TMEM132D: variants seen among roughly 807,000 people sequenced by gnomAD.
TMEM132D encodes the protein transmembrane protein 132D, also known as mature OL transmembrane protein.
A neutral mutation model predicts 62.3 loss-of-function variants in TMEM132D; 21 were observed. The ratio of observed to expected loss-of-function variants is 0.34; its 90% CI spans 0.24 to 0.49. The LOEUF (loss-of-function observed/expected upper bound fraction) is 0.49. TMEM132D is among the 20% of genes least tolerant of loss of function. The pLI is 0.99. For synonymous variants in TMEM132D, 621 were observed against 575.6 expected, an observed-to-expected ratio of 1.08 and a Z score of -1.13; for missense variants, 1,346 against 1,402.8, an observed-to-expected ratio of 0.96 and a Z score of 0.65.
chr12:129,273,562 C>T lies in TMEM132D; in HGVS notation c.1300-63899G>A, dbSNP rs542654099. 3.3e-5 allele frequency among the ~76,000 whole-genome samples: 5 copies of T among 151,774 alleles called. No homozygotes were observed. In the South Asian group the frequency reaches 6.2e-4, roughly 19 times the overall value. ...CTGGATAAAGAAAATGTGGTCCATA[C>T]GCACAATGGAATATTATGCAGCCAT... is the stretch of plus-strand genomic sequence containing the variant. On this transcript the variant is annotated intron_variant, in intron 4 of 8. Coordinates refer to ENST00000422113, the MANE Select transcript of TMEM132D (RefSeq NM_133448.3).
chr12:129,082,206 C>T (rs1282998695), intron 6 of TMEM132D, among the ~76,000 whole-genome samples, 174 bp from the exon 7 acceptor site: 2 of 152,186 alleles, frequency 1.3e-5, no homozygotes, highest in Non-Finnish European at 2.9e-5. Flanking sequence ...GGCATGAGCA[C>T]TGACCCATCA....
intron 2 of TMEM132D, among the ~76,000 whole-genome samples, chr12:129,548,920 C>T (rs746130358): frequency 7.9e-5 from 12 of 152,246 alleles, no homozygotes; most frequent in Non-Finnish European, 1.5e-4. Context: ...CCTTAGCTCA[C>T]CTGAGTAGAC....
chr12:129,287,371 C>T (rs1208765593), intron 4 of TMEM132D, among the ~76,000 whole-genome samples: 3 of 152,126 alleles, frequency 2.0e-5, no homozygotes, highest in South Asian at 2.1e-4. Flanking sequence ...TACAAAATCA[C>T]CACTTGGCAA....
intron 1 of TMEM132D, among the ~76,000 whole-genome samples, chr12:129,815,699 C>T (rs1234090173): frequency 1.3e-5 from 2 of 152,130 alleles, no homozygotes; most frequent in Admixed American, 6.5e-5. Context: ...AATGCTCCCC[C>T]GGTTACAAAA....
At chr12:129,165,826 C>T (rs1306283267) in intron 5 of TMEM132D, among the ~76,000 whole-genome samples, 2 of 152,104 alleles carry the variant, frequency 1.3e-5, no homozygotes, top group Non-Finnish European at 2.9e-5. Flanking sequence ...GGTTGTTTTC[C>T]TTTGTGTAAG....
chr12:129,289,090 A>G (rs1881376445), intron 4 of TMEM132D, among the ~76,000 whole-genome samples: 1 of 152,116 alleles, frequency 6.6e-6, no homozygotes, highest in Non-Finnish European at 1.5e-5. Flanking sequence ...GGTGGGTGCC[A>G]GGGATGGGGG....
intron 4 of TMEM132D, among the ~76,000 whole-genome samples, chr12:129,290,390 T>G (rs1417524222): frequency 6.6e-6 from 1 of 152,072 alleles, no homozygotes; most frequent in Non-Finnish European, 1.5e-5. Flanking sequence ...TAACAGGTTA[T>G]CGAAGCATAA....
chr12:129,529,064 T>TTGTG (rs148668186), intron 3 of TMEM132D, among the ~76,000 whole-genome samples: 2 of 151,942 alleles, frequency 1.3e-5, no homozygotes, highest in East Asian at 1.9e-4. Flanking sequence ...ATATAACATA[T>TTGTG]TGTGTGTGTG....
intron 2 of TMEM132D, among the ~76,000 whole-genome samples, chr12:129,594,590 T>C (rs1425400450): frequency 2.0e-5 from 3 of 152,218 alleles, no homozygotes; most frequent in Non-Finnish European, 4.4e-5. Flanking sequence ...AGAGAACACA[T>C]GCATAGTCCA....
intron 2 of TMEM132D, among the ~76,000 whole-genome samples, chr12:129,608,020 T>A (rs527537728): frequency 1.3e-5 from 2 of 152,244 alleles, no homozygotes; most frequent in South Asian, 2.1e-4. Context: ...GTGGAGTCTG[T>A]GAAATATTGA....
chr12:129,774,804 A>G (rs1385619842), intron 1 of TMEM132D, among the ~76,000 whole-genome samples: 1 of 152,220 alleles, frequency 6.6e-6, no homozygotes, highest in Non-Finnish European at 1.5e-5. Context: ...TCCCTGGCTT[A>G]GTCTCTACAG....
chr12:129,146,182 A>G (rs1876890890), intron 5 of TMEM132D, among the ~76,000 whole-genome samples: 1 of 151,988 alleles, frequency 6.6e-6, no homozygotes, highest in Non-Finnish European at 1.5e-5. Context: ...GAACCTCTCC[A>G]GAACGTATTA....
At chr12:129,900,643 A>T (rs12422310) in intron 1 of TMEM132D, among the ~76,000 whole-genome samples, 56,344 of 151,864 alleles carry the variant, frequency 0.37, 10,640 homozygotes, top group Middle Eastern at 0.51. Context: ...CCTCTGCCCA[A>T]CTCCAATCTC....
intron 2 of TMEM132D, among the ~76,000 whole-genome samples, chr12:129,587,174 T>A (rs996336316): frequency 6.6e-6 from 1 of 151,982 alleles, no homozygotes; most frequent in East Asian, 1.9e-4. Context: ...ATAAAAAAAA[T>A]GTGGTACATA....
chr12:129,883,483 C>G (rs770613551), intron 1 of TMEM132D, among the ~76,000 whole-genome samples: 24 of 152,204 alleles, frequency 1.6e-4, no homozygotes, highest in Admixed American at 3.9e-4. Context: ...AGGTTCAATA[C>G]ACTTCCAATC....
At chr12:129,356,179 C>T (rs1870041371) in intron 3 of TMEM132D, among the ~76,000 whole-genome samples, 1 of 10,286 alleles carries the variant, frequency 9.7e-5, no homozygotes, top group Non-Finnish European at 1.8e-4. Flanking sequence ...TTTTTTGAGA[C>T]GGAGTCTCGC....
At chr12:129,895,771 C>T (rs1014629863) in intron 1 of TMEM132D, among the ~76,000 whole-genome samples, 9 of 152,008 alleles carry the variant, frequency 5.9e-5, no homozygotes, top group East Asian at 3.9e-4. Context: ...CTGAAAAGCC[C>T]ACCAGCATCT....
At position 129,236,696 on chromosome 12, in the gene TMEM132D, C is replaced by T. The variant is rs549887151; in HGVS notation, c.1300-27033G>A. Among the ~76,000 whole-genome samples, 85 of 151,716 alleles carry T rather than the reference C, an allele frequency of 5.6e-4. No individual in the cohort carries two copies. In the South Asian group the frequency reaches 0.01, roughly 18 times the overall value. On this transcript the variant is annotated intron_variant, in intron 4 of 8. Transcript: ENST00000422113. ...AGAGACAAGTTTACTTTTTTCTTTC[C>T]GATTTGAATGCCTTTTGTTTTTTTA... is the stretch of plus-strand genomic sequence containing the variant.
chr12:129,416,319 T>C (rs1279688152), intron 3 of TMEM132D, among the ~76,000 whole-genome samples: 2 of 152,244 alleles, frequency 1.3e-5, no homozygotes, highest in Admixed American at 6.5e-5. Context: ...TTTGTAGCAA[T>C]TGTGAATGGG....
Sources: gnomAD v4.1 joint callset for allele counts (sites outside exome capture counted in the v4.1 genomes callset) on GRCh38, gnomAD v4.1.1 for gene constraint, MANE v1.5 for transcripts, NCBI Gene and HGNC (gene_info 2026-07-23, HGNC 2026-07-21) for gene names.